SYCP2: variants seen among roughly 807,000 people sequenced by gnomAD.
SYCP2 encodes the protein synaptonemal complex protein 2, also known as synaptonemal complex lateral element protein.
A neutral mutation model predicts 211.3 loss-of-function variants in SYCP2; 55 were observed. That is an observed-to-expected ratio of 0.26 (90% CI 0.21 to 0.33). The LOEUF (loss-of-function observed/expected upper bound fraction) is 0.33, where lower values mean the gene tolerates loss of function less well. Ranked by LOEUF, SYCP2 falls within the 10% of genes least tolerant of loss-of-function variation. The pLI is 1.00. For synonymous variants in SYCP2, 570 were observed against 555.2 expected, an observed-to-expected ratio of 1.03 and a Z score of -0.37; for missense variants, 1,731 against 1,752.0, an observed-to-expected ratio of 0.99 and a Z score of 0.21.
rs143026660 is a variant in SYCP2 at position 59,873,975 on chromosome 20, G to A, written c.3436C>T (p.Leu1146Phe). ...SISPYPKTSS[L>F]ESLNSNSGVG... The stretch of plus-strand genomic sequence containing the variant: ...CCACTGTTACTATTTAAGGATTCAA[G>A]TGATGAAGTTTTTGGATAAGGTGAT... Residue 1146 changes from leucine to phenylalanine, a missense_variant, in exon 35 of 45, where the codon CTT becomes TTT. Physicochemically the swap from Leu to Phe is conservative, Grantham distance 22 (BLOSUM62 0). This residue lies in a region of SYCP2 where 1,387 missense variants were observed against 1,351.3 expected (regional missense o/e 1.03). Transcript: ENST00000357552. 141 of 1,613,168 alleles carry A rather than the reference G, an allele frequency of 8.7e-5. No homozygotes were observed. The African/African-American group carries it at 1.7e-3, about 20-fold the overall frequency.
chr20:59,892,492 A>T, intron 23 of SYCP2, 66 bp from the exon 24 acceptor site: 1 of 1,505,644 alleles, frequency 6.6e-7, no homozygotes, highest in Non-Finnish European at 8.9e-7. Flanking sequence ...AAATTTGTTA[A>T]ATTTGTTTTA....
chr20:59,892,631 T>C lies in SYCP2; in HGVS notation c.1864A>G (p.Thr622Ala), dbSNP rs1265864671. 1.2e-6 allele frequency: 2 copies of C among 1,610,866 alleles called. No individual in the cohort carries two copies. Among genetic ancestry groups the C allele is most frequent in the Non-Finnish European group, 1.7e-6 (2 of 1,178,228 alleles). The change falls in exon 23 of 45, where the codon ACA (threonine) becomes GCA (alanine). Residue 622 changes from threonine to alanine, a missense_variant. Coordinates refer to ENST00000357552, the MANE Select transcript of SYCP2 (RefSeq NM_014258.4). ...TGGTTATTACATAGTTCAATGTTTG[T>C]TACAGGTGTCCAACATGCCCATTTG... is the stretch of plus-strand genomic sequence containing the variant. ...HSKWACWTPV[T>A]NIELCNNQRA...
rs1296041386 is a variant in SYCP2, at chr20:59,868,429, A to T, written c.3972T>A (p.Asp1324Glu). ...PKKLCKIEDA[D>E]HHIHKMSESV... ...TCTACCTACTTTTGTGGATATGATG[A>T]TCTGCATCTTCAATTTTACACAGTT... is the stretch of plus-strand genomic sequence containing the variant. The change falls in exon 38 of 45, where the codon GAT becomes GAA. Residue 1324 changes from aspartate (D) to glutamate (E), a missense_variant. This residue lies in a region of SYCP2 where 1,387 missense variants were observed against 1,351.3 expected (regional missense o/e 1.03). Transcript: ENST00000357552. The T allele has an allele frequency of 2.5e-6, 4 of 1,610,426 alleles. No homozygotes were observed. In the South Asian group the frequency reaches 3.3e-5, roughly 13 times the overall value.
chr20:59,874,094 T>C, intron 34 of SYCP2, 33 bp from the exon 35 acceptor site: 3 of 1,227,628 alleles, frequency 2.4e-6, no homozygotes, highest in South Asian at 3.1e-5. Context: ...AGAAAATAGA[T>C]GGCAAGCGTT....
intron 18 of SYCP2, among the ~76,000 whole-genome samples, chr20:59,899,231 T>C (rs1167839033): frequency 6.6e-6 from 1 of 152,092 alleles, no homozygotes; most frequent in Admixed American, 6.6e-5. Context: ...AGCACCTTGG[T>C]TCCAGATATA....
At chr20:59,880,884 TTTC>T (rs760322367) in intron 30 of SYCP2, 79 bp downstream of exon 30, 44 of 690,548 alleles carry the variant, frequency 6.4e-5, no homozygotes, top group Admixed American at 2.5e-4. Flanking sequence ...ATGTTTTTGT[TTTC>T]TTGTTTTTGA....
chr20:59,886,298 A>G (rs1046735882), intron 25 of SYCP2, among the ~76,000 whole-genome samples: 2 of 151,680 alleles, frequency 1.3e-5, no homozygotes, highest in African/African-American at 4.9e-5. Context: ...ACATTTTGTA[A>G]TAAACAATCT....
chr20:59,883,419 A>G (rs2059722147), intron 26 of SYCP2, among the ~76,000 whole-genome samples: 1 of 152,146 alleles, frequency 6.6e-6, no homozygotes, highest in Non-Finnish European at 1.5e-5. Context: ...ATTTATAATA[A>G]TCAAAACATG....
At position 59,881,983 on chromosome 20, in the gene SYCP2, T is replaced by A. The variant is rs773859843; in HGVS notation, c.2620A>T (p.Asn874Tyr). The A allele has an allele frequency of 1.4e-5, 23 of 1,612,962 alleles. No homozygotes were observed. The East Asian group carries it at 4.7e-4, about 33-fold the overall frequency. ...ATAGGGTCATCAGCTCCATTCAAAT[T>A]AAAATTGTAAACATCATTCCTGTGA... is the stretch of plus-strand genomic sequence containing the variant. ...ECPVNDVYNF[N>Y]LNGADDPIIK... The change falls in exon 28 of 45, where the codon AAT becomes TAT. Residue 874 changes from asparagine (N) to tyrosine (Y), a missense_variant. Around this residue, in one of 3 missense-constraint regions of SYCP2, gnomAD observed 1,387 missense variants for 1,351.3 expected, o/e 1.03. Coordinates refer to ENST00000357552, the MANE Select transcript of SYCP2 (RefSeq NM_014258.4).
chr20:59,879,119 G>A (rs2059614961), intron 31 of SYCP2, among the ~76,000 whole-genome samples: 2 of 152,058 alleles, frequency 1.3e-5, no homozygotes, highest in East Asian at 1.9e-4. Flanking sequence ...CTTCCCACTA[G>A]ACTGTAAGCT....
At chr20:59,873,713 T>C (rs1252328114) in intron 35 of SYCP2, 143 bp downstream of exon 35, 2 of 610,458 alleles carry the variant, frequency 3.3e-6, no homozygotes, top group Admixed American at 3.3e-5. Flanking sequence ...TCTCTTGTCA[T>C]TATGTCCCTC....
At position 59,912,039 on chromosome 20, in the gene SYCP2, C is replaced by A. The variant is rs1341119309; in HGVS notation, c.877-194G>T. The stretch of plus-strand genomic sequence containing the variant: ...GCTACTTTAATATTTTATAAAAAAT[C>A]AACTAGCTCCAAGAAATTATGAATA... On this transcript the variant is annotated intron_variant, in intron 13 of 44. Transcript: ENST00000357552. The A allele has an allele frequency of 2.6e-5, 11 of 419,340 alleles. No homozygotes were observed. The South Asian group carries it at 3.0e-4, about 11-fold the overall frequency. The allele number at this position is 419,340 out of a possible 1,614,324, so 26.0% of individuals were successfully genotyped here. A position where few individuals can be genotyped will look rare whatever the true frequency, so the allele number is the denominator to read the frequency against.
chr20:59,865,673 T>A (rs1254446619), intron 42 of SYCP2, 22 bp from the exon 43 acceptor site: 1 of 1,495,314 alleles, frequency 6.7e-7, no homozygotes, highest in South Asian at 1.2e-5. Flanking sequence ...AATAATGAGT[T>A]AACCTTGTAT....
intron 24 of SYCP2, among the ~76,000 whole-genome samples, chr20:59,890,022 C>T (rs552029233): frequency 6.6e-6 from 1 of 152,218 alleles, no homozygotes; most frequent in East Asian, 1.9e-4. Context: ...CCAGAAATAC[C>T]ATTTGGCCCA....
intron 8 of SYCP2, 75 bp downstream of exon 8, chr20:59,916,411 A>C: frequency 1.2e-6 from 1 of 821,762 alleles, no homozygotes; most frequent in Non-Finnish European, 2.0e-6. Context: ...CATGAAATAA[A>C]TTGTCAATTT....
At chr20:59,871,871 A>C (rs1029555171) in intron 35 of SYCP2, among the ~76,000 whole-genome samples, 1 of 152,008 alleles carries the variant, frequency 6.6e-6, no homozygotes, top group Non-Finnish European at 1.5e-5. Context: ...AAAAATATAT[A>C]TTGTTGTCTG....
At chr20:59,882,037 A>C (rs1555875141) in intron 27 of SYCP2, 35 bp from the exon 28 acceptor site, 26 of 1,607,410 alleles carry the variant, frequency 1.6e-5, no homozygotes, top group Non-Finnish European at 2.1e-5. Flanking sequence ...GCTCCACTTA[A>C]ATATGTGTAG....
In SYCP2 at chr20:59,919,479, A is replaced by G. The variant is rs1200857803; in HGVS notation, c.402+14T>C. ...ATGCTTTATAAATATCAGTGTAATC[A>G]ATGTGATTTTTACCAGCAGAAGATC... On this transcript the variant is annotated intron_variant, in intron 6 of 44. Coordinates refer to ENST00000357552, the MANE Select transcript of SYCP2 (RefSeq NM_014258.4). 9 of 1,488,454 alleles carry G rather than the reference A, an allele frequency of 6.0e-6. No individual in the cohort carries two copies. Among genetic ancestry groups the G allele is most frequent in the Non-Finnish European group, 8.4e-6 (9 of 1,069,638 alleles). The allele number at this position is 1,488,454 out of a possible 1,614,324, so 92.2% of individuals were successfully genotyped here.
intron 30 of SYCP2, among the ~76,000 whole-genome samples, 188 bp downstream of exon 30, chr20:59,880,778 G>C (rs560809699): frequency 1.5e-4 from 22 of 151,656 alleles, no homozygotes; most frequent in African/African-American, 5.1e-4. Flanking sequence ...AAAACTAAAC[G>C]TGGCATTTCT....
Sources: allele counts gnomAD v4.1 joint callset (sites outside exome capture counted in the v4.1 genomes callset), GRCh38; gene constraint gnomAD v4.1.1; regional missense constraint gnomAD v4.1.1; transcripts MANE v1.5; gene names NCBI Gene and HGNC (gene_info 2026-07-23, HGNC 2026-07-21).